The following DCC variants were observed in gnomAD, a reference collection of about 807,000 sequenced individuals.
The protein encoded by DCC is DCC netrin 1 receptor, also known as netrin receptor DCC.
DCC carries 58 observed loss-of-function variants against 172.5 expected under a neutral mutation model. The observed-to-expected ratio is 0.34, with a 90% CI of 0.27 to 0.42. DCC has a LOEUF of 0.42. Ranked by LOEUF, DCC falls within the 10% of genes least tolerant of loss-of-function variation. The probability of loss-of-function intolerance (pLI) is 1.00; values close to 1 mark genes in which losing one functional copy is unlikely to be tolerated. For synonymous variants in DCC, 709 were observed against 644.5 expected, an observed-to-expected ratio of 1.10 and a Z score of -1.52; for missense variants, 1,740 against 1,791.0, an observed-to-expected ratio of 0.97 and a Z score of 0.51.
chr18:52,819,174 G>A (rs1000375791), intron 2 of DCC, among the ~76,000 whole-genome samples: 2 of 151,856 alleles, frequency 1.3e-5, no homozygotes, highest in Non-Finnish European at 2.9e-5. Flanking sequence ...ATGAGCTATA[G>A]TATCAAAATA....
chr18:52,840,766 C>T (rs930533564), intron 2 of DCC, among the ~76,000 whole-genome samples: 7 of 152,120 alleles, frequency 4.6e-5, no homozygotes, highest in Non-Finnish European at 8.8e-5. Flanking sequence ...AAACCATGAA[C>T]ATCATTAACA....
At chr18:53,360,576 G>C (rs970501396) in intron 15 of DCC, among the ~76,000 whole-genome samples, 1 of 152,068 alleles carries the variant, frequency 6.6e-6, no homozygotes, top group Non-Finnish European at 1.5e-5. Flanking sequence ...TAAATAGCAT[G>C]CTATAAATCA....
rs189687327 is a variant in DCC at position 52,611,149 on chromosome 18, A to G, written c.92-140905A>G. Reference sequence around the variant, plus strand: ...CTTCAGTGACCCCCCCCTCCTGACAACCACATCTTGTATCAGTCACTGTAA... The same window carrying G: ...CTTCAGTGACCCCCCCCTCCTGACAGCCACATCTTGTATCAGTCACTGTAA... On this transcript the variant is annotated intron_variant, in intron 1 of 28. Transcript: ENST00000442544. Among the ~76,000 whole-genome samples, 203 of 152,228 alleles carry G rather than the reference A, an allele frequency of 1.3e-3. 1 individual carries two copies. The highest frequency in any genetic ancestry group is 4.6e-3 in the African/African-American group (189 of 41,528).
At chr18:52,909,058 G>A (rs535858606) in intron 3 of DCC, among the ~76,000 whole-genome samples, 21 of 152,084 alleles carry the variant, frequency 1.4e-4, no homozygotes, top group African/African-American at 4.8e-4. Flanking sequence ...TCACAGATGC[G>A]CAATAAGTAC....
chr18:53,437,434 G>A (rs1228269567), intron 22 of DCC, among the ~76,000 whole-genome samples: 1 of 151,792 alleles, frequency 6.6e-6, no homozygotes, highest in Non-Finnish European at 1.5e-5. Flanking sequence ...CAAAAAATTA[G>A]CCAGGAGTGG....
chr18:53,427,712 C>G (rs992622751), intron 21 of DCC, among the ~76,000 whole-genome samples: 1 of 144,336 alleles, frequency 6.9e-6, no homozygotes, highest in Admixed American at 7.3e-5. Flanking sequence ...TTTGCCTTTT[C>G]AGTTTTTGTC....
chr18:53,167,489 G>T (rs944728457), intron 8 of DCC, among the ~76,000 whole-genome samples: 6 of 152,110 alleles, frequency 3.9e-5, no homozygotes, highest in Admixed American at 2.6e-4. Flanking sequence ...AAAGATGACC[G>T]AAATAAATGG....
intron 5 of DCC, among the ~76,000 whole-genome samples, chr18:52,976,265 C>T (rs1422121141): frequency 6.6e-6 from 1 of 151,886 alleles, no homozygotes; most frequent in Non-Finnish European, 1.5e-5. Flanking sequence ...TCAGATGCAT[C>T]ATTTGCACAA....
intron 7 of DCC, among the ~76,000 whole-genome samples, chr18:53,105,675 A>G (rs1453003237): frequency 1.3e-5 from 2 of 151,858 alleles, no homozygotes; most frequent in Non-Finnish European, 2.9e-5. Context: ...AAGCTAAGTT[A>G]CCTGATTTCA....
At chr18:52,606,344 C>T (rs974161756) in intron 1 of DCC, among the ~76,000 whole-genome samples, 2 of 151,936 alleles carry the variant, frequency 1.3e-5, no homozygotes, top group Non-Finnish European at 2.9e-5. Context: ...ATAATACTTG[C>T]CCTATTGGAT....
chr18:53,108,929 T>A (rs188531197), intron 7 of DCC, among the ~76,000 whole-genome samples: 2 of 151,320 alleles, frequency 1.3e-5, no homozygotes, highest in African/African-American at 2.4e-5. Context: ...GCCTTTCTGT[T>A]GGTGTACATC....
intron 7 of DCC, among the ~76,000 whole-genome samples, chr18:53,086,547 C>T (rs1324979322): frequency 4.4e-5 from 2 of 45,372 alleles, no homozygotes; most frequent in Non-Finnish European, 8.1e-5. Context: ...CTTCTTCTTT[C>T]TTCTTCTTCC....
chr18:52,809,812 G>C (rs1244823591), intron 2 of DCC, among the ~76,000 whole-genome samples: 2 of 152,090 alleles, frequency 1.3e-5, no homozygotes, highest in African/African-American at 4.8e-5. Flanking sequence ...CGAATGCCTG[G>C]GGTTTATATC....
chr18:52,932,206 T>C (rs932331689), intron 5 of DCC, among the ~76,000 whole-genome samples: 1 of 152,178 alleles, frequency 6.6e-6, no homozygotes, highest in African/African-American at 2.4e-5. Context: ...TCCATTCTTA[T>C]GTTCAATACG....
rs1022735277 is a variant in DCC, at chr18:52,392,785, C to G, written c.91+51907C>G. Among the ~76,000 whole-genome samples the G allele has an allele frequency of 4.0e-5, 6 of 151,892 alleles. No individual in the cohort carries two copies. In the East Asian group the frequency reaches 9.7e-4, roughly 25 times the overall value. On this transcript the variant is annotated intron_variant, in intron 1 of 28. Transcript: ENST00000442544. ...TCATTTTGGTTTATAGAAAGAAAGACCAAGAAAATAAAATATGGAAAGACC... is the reference window on the plus strand; with the variant it reads ...TCATTTTGGTTTATAGAAAGAAAGAGCAAGAAAATAAAATATGGAAAGACC...
At chr18:52,967,748 A>G (rs897536977) in intron 5 of DCC, among the ~76,000 whole-genome samples, 2 of 152,206 alleles carry the variant, frequency 1.3e-5, no homozygotes, top group African/African-American at 2.4e-5. Context: ...AACTTCAAAA[A>G]TATATTCGGT....
At chr18:52,447,764 G>C (rs886307903) in intron 1 of DCC, among the ~76,000 whole-genome samples, 1 of 152,090 alleles carries the variant, frequency 6.6e-6, no homozygotes, top group Non-Finnish European at 1.5e-5. Context: ...CAGAGCAGCA[G>C]TGAGACAGAG....
chr18:53,109,486 A>G (rs1318442215), intron 7 of DCC, among the ~76,000 whole-genome samples: 1 of 151,236 alleles, frequency 6.6e-6, no homozygotes. Context: ...GATTTATGTT[A>G]GAATTTCTGG....
intron 1 of DCC, among the ~76,000 whole-genome samples, chr18:52,585,894 T>G (rs2033659321): frequency 6.6e-6 from 1 of 151,976 alleles, no homozygotes; most frequent in South Asian, 2.1e-4. Flanking sequence ...CCATCTTGGC[T>G]AACACGGTGA....
Sources: gnomAD v4.1 joint callset for allele counts (sites outside exome capture counted in the v4.1 genomes callset) on GRCh38, gnomAD v4.1.1 for gene constraint, MANE v1.5 for transcripts, NCBI Gene and HGNC (gene_info 2026-07-23, HGNC 2026-07-21) for gene names.